DMD: variants seen among roughly 807,000 people sequenced by gnomAD.
DMD encodes dystrophin, also known as mutant dystrophin.
In DMD, 63 loss-of-function variants were observed where a neutral mutation model predicts 330.1. That is an observed-to-expected ratio of 0.19 (90% CI 0.16 to 0.24). DMD has a LOEUF of 0.24. DMD is among the 10% of genes least tolerant of loss of function. DMD has a pLI of 1.00. For synonymous variants in DMD, 1,223 were observed against 959.8 expected, an observed-to-expected ratio of 1.27 and a Z score of -5.07; for missense variants, 3,344 against 2,684.1, an observed-to-expected ratio of 1.25 and a Z score of -5.43.
rs901741672 is a variant in DMD, at chrX:31,740,139, GA to G, written c.7543-10392del. ...TCTTGAAATACAATTTCAAAGTCAA[GA>G]AAAAAAAAGAATTTTATGCTACAAT... On this transcript the variant is annotated intron_variant, in intron 51 of 78. Transcript: ENST00000357033. Among the ~76,000 whole-genome samples, 11 of 109,449 alleles carry G rather than the reference GA, an allele frequency of 1.0e-4. No homozygotes were observed. The South Asian group carries it at 1.1e-3, about 11-fold the overall frequency.
chrX:31,911,646 G>A (rs1310279786), intron 47 of DMD, among the ~76,000 whole-genome samples: 1 of 111,589 alleles, frequency 9.0e-6, no homozygotes, highest in Non-Finnish European at 1.9e-5. Flanking sequence ...GAGGCAACTC[G>A]CAATGTCAAA....
At chrX:33,246,406 TTG>T (rs2052663420) in intron 1 of DMD, among the ~76,000 whole-genome samples, 1 of 111,345 alleles carries the variant, frequency 9.0e-6, no homozygotes, top group Admixed American at 9.6e-5. Flanking sequence ...CCTGGCTGTG[TTG>T]TGTTTCTAAT....
In DMD at chrX:32,697,906, G is replaced by A. The variant is rs1330374094; in HGVS notation, c.924C>T (p.Thr308=). 8.3e-7 allele frequency: 1 copy of A among 1,207,495 alleles called. No individual in the cohort carries two copies. The highest frequency in any genetic ancestry group is 1.8e-5 in the African/African-American group (1 of 56,680). The stretch of plus-strand genomic sequence containing the variant: ...ATGGGCTCCGTGTAGGGTCAGAGGT[G>A]GTGACATAAGCAGCCTGTGTGTAGG... ...SYAYTQAAYV[T]TSDPTRSPFP... is the part of the protein sequence containing the mutation. Residue 308 remains threonine, a synonymous_variant, in exon 9 of 79, where the codon ACC becomes ACT. Coordinates refer to ENST00000357033, the MANE Select transcript of DMD (RefSeq NM_004006.3).
chrX:32,730,001 G>A (rs1352971457), intron 7 of DMD, among the ~76,000 whole-genome samples: 3 of 111,544 alleles, frequency 2.7e-5, no homozygotes, highest in Non-Finnish European at 5.6e-5. Context: ...TCATGTTTTT[G>A]GCTTTGGGAA....
intron 9 of DMD, among the ~76,000 whole-genome samples, chrX:32,652,190 G>A (rs759640516): frequency 9.1e-6 from 1 of 110,004 alleles, no homozygotes; most frequent in East Asian, 2.9e-4. Context: ...CAACGTTCAG[G>A]TTTGTTACAT....
chrX:31,912,888 C>T (rs73217964), intron 47 of DMD, among the ~76,000 whole-genome samples: 1,742 of 112,784 alleles, frequency 0.015, 11 homozygotes, highest in Non-Finnish European at 0.025. Flanking sequence ...GGGATAGTAG[C>T]AAGTGTGATA....
intron 54 of DMD, among the ~76,000 whole-genome samples, chrX:31,645,815 T>C (rs1259656358): frequency 2.7e-5 from 3 of 112,207 alleles, no homozygotes; most frequent in Non-Finnish European, 5.6e-5. Context: ...CTTTGTTGAT[T>C]CACCAAGCAT....
intron 60 of DMD, among the ~76,000 whole-genome samples, chrX:31,432,131 T>C (rs1262631399): frequency 8.9e-6 from 1 of 112,200 alleles, no homozygotes; most frequent in African/African-American, 3.2e-5. Context: ...AATATTTTCA[T>C]TGCAAATACA....
chrX:31,350,290 G>A (rs774766357), intron 60 of DMD, among the ~76,000 whole-genome samples: 3 of 111,294 alleles, frequency 2.7e-5, no homozygotes, highest in Non-Finnish European at 5.6e-5. Flanking sequence ...GATCAATGCT[G>A]TTAGTGTTTA....
intron 44 of DMD, among the ~76,000 whole-genome samples, chrX:32,210,713 C>T (rs1185808375): frequency 1.8e-5 from 2 of 111,689 alleles, no homozygotes; most frequent in African/African-American, 3.3e-5. Context: ...TTCTCTGTAG[C>T]AGATACTGTC....
chrX:32,691,655 G>C (rs1413365903), intron 9 of DMD, among the ~76,000 whole-genome samples: 1 of 111,038 alleles, frequency 9.0e-6, no homozygotes, highest in East Asian at 2.8e-4. Context: ...CTCACTTTTG[G>C]ATATTTATCC....
chrX:32,780,137 A>ACAATTAG (rs2074571997), intron 7 of DMD, among the ~76,000 whole-genome samples: 4 of 111,897 alleles, frequency 3.6e-5, no homozygotes, highest in Non-Finnish European at 7.5e-5. Context: ...CCATTGAGAC[A>ACAATTAG]AAATATGCCT....
At chrX:32,517,030 T>C (rs946268200) in intron 18 of DMD, 1 of 111,347 alleles carries the variant, frequency 9.0e-6, no homozygotes, top group South Asian at 3.7e-4. Context: ...CCAGAATATA[T>C]ATATATCTTT....
chrX:31,290,786 GCAAA>G (rs779301151), intron 62 of DMD, among the ~76,000 whole-genome samples: 2 of 111,576 alleles, frequency 1.8e-5, no homozygotes, highest in African/African-American at 3.3e-5. Flanking sequence ...CAAGGCAAAA[GCAAA>G]CAAACAAACA....
At chrX:31,500,728 C>A (rs2070350073) in intron 56 of DMD, among the ~76,000 whole-genome samples, 1 of 111,226 alleles carries the variant, frequency 9.0e-6, no homozygotes, top group Admixed American at 9.6e-5. Context: ...TTGGAAGGAA[C>A]CTGAGAGATT....
intron 1 of DMD, among the ~76,000 whole-genome samples, chrX:33,289,626 A>G (rs765332051): frequency 1.8e-5 from 2 of 111,882 alleles, no homozygotes; most frequent in Non-Finnish European, 3.8e-5. Context: ...GATATCTGTC[A>G]ACAAAGACTC....
chrX:32,856,368 T>C lies in DMD; in HGVS notation c.94-6548A>G, dbSNP rs148849980. ...AGAAATATCTGCACCCTCATGTTTA[T>C]TGCAACCCTATTCACAATAGCCAAG... On this transcript the variant is annotated intron_variant, in intron 2 of 78. Transcript: ENST00000357033. Among the ~76,000 whole-genome samples, 257 of 112,116 alleles carry C rather than the reference T, an allele frequency of 2.3e-3. 2 individuals are homozygous for C. Among genetic ancestry groups the C allele is most frequent in the African/African-American group, 8.0e-3 (248 of 30,852 alleles).
chrX:32,870,990 C>T (rs867459126), intron 2 of DMD, among the ~76,000 whole-genome samples: 1 of 21,960 alleles, frequency 4.6e-5, no homozygotes, highest in Non-Finnish European at 9.2e-5. Context: ...AAAAAAAAAC[C>T]ACAAAACCCA....
At chrX:32,815,059 C>A (rs777640371) in intron 6 of DMD, among the ~76,000 whole-genome samples, 2 of 111,039 alleles carry the variant, frequency 1.8e-5, no homozygotes, top group Non-Finnish European at 3.8e-5. Flanking sequence ...ATACGAGAAA[C>A]AATGTGTTAA....
Sources: gnomAD v4.1 joint callset for allele counts (sites outside exome capture counted in the v4.1 genomes callset) on GRCh38, gnomAD v4.1.1 for gene constraint, MANE v1.5 for transcripts, NCBI Gene and HGNC (gene_info 2026-07-23, HGNC 2026-07-21) for gene names.